SGCD: variants seen among roughly 807,000 people sequenced by gnomAD.
SGCD encodes delta-sarcoglycan.
In SGCD, 18 loss-of-function variants were observed where a neutral mutation model predicts 36.6. The observed-to-expected ratio is 0.49, with a 90% CI of 0.34 to 0.73. The LOEUF is 0.73. Ranked by LOEUF, SGCD falls within the 30% of genes least tolerant of loss-of-function variation. The pLI, the probability that SGCD is intolerant of heterozygous loss-of-function variation, is 0.01. For synonymous variants in SGCD, 133 were observed against 130.6 expected, an observed-to-expected ratio of 1.02 and a Z score of -0.12; for missense variants, 387 against 346.7, an observed-to-expected ratio of 1.12 and a Z score of -0.92.
chr5:156,722,450 A>T (rs142608924), intron 7 of SGCD, among the ~76,000 whole-genome samples: 155 of 152,326 alleles, frequency 1.0e-3, no homozygotes, highest in African/African-American at 3.6e-3. Context: ...AGCCCTGATG[A>T]CAGTGTTGTC....
upstream of SGCD, among the ~76,000 whole-genome samples, chr5:155,866,440 C>T (rs1755526153): frequency 6.6e-6 from 1 of 152,156 alleles, no homozygotes; most frequent in African/African-American, 2.4e-5. Context: ...TTTGTTGTTC[C>T]AGACTCCCTG....
intron 4 of SGCD, among the ~76,000 whole-genome samples, chr5:156,514,043 A>G (rs1427033936): frequency 6.6e-6 from 1 of 152,228 alleles, no homozygotes; most frequent in Admixed American, 6.5e-5. Context: ...TTTGAATGCT[A>G]TTTCAATGTG....
At chr5:156,554,624 A>G (rs1221878082) in intron 4 of SGCD, among the ~76,000 whole-genome samples, 2 of 148,584 alleles carry the variant, frequency 1.3e-5, no homozygotes, top group Admixed American at 6.8e-5. Flanking sequence ...ATGTATATAA[A>G]CATGTGCATA....
intron 3 of SGCD, among the ~76,000 whole-genome samples, chr5:156,252,058 T>A (rs1352333698): frequency 2.0e-5 from 3 of 151,652 alleles, no homozygotes; most frequent in African/African-American, 7.3e-5. Flanking sequence ...CATTTTGATA[T>A]TAGCATTTTT....
chr5:156,654,505 T>TG (rs917591388), intron 7 of SGCD, among the ~76,000 whole-genome samples: 6 of 152,218 alleles, frequency 3.9e-5, no homozygotes, highest in East Asian at 1.9e-4. Context: ...TTCTTTCCTT[T>TG]GGGGGGGTCC....
chr5:156,072,113 G>A (rs963727844), intron 1 of SGCD, among the ~76,000 whole-genome samples: 17 of 152,020 alleles, frequency 1.1e-4, no homozygotes, highest in Non-Finnish European at 1.8e-4. Context: ...TTTAATTGGA[G>A]CATTTAGTCC....
intron 3 of SGCD, among the ~76,000 whole-genome samples, chr5:156,483,266 C>T (rs1755517328): frequency 6.6e-6 from 1 of 152,164 alleles, no homozygotes; most frequent in East Asian, 1.9e-4. Flanking sequence ...TCCTAGCCCC[C>T]ATGATCAAGC....
intron 3 of SGCD, among the ~76,000 whole-genome samples, chr5:156,231,099 A>G (rs1256360673): frequency 6.6e-6 from 1 of 152,168 alleles, no homozygotes; most frequent in African/African-American, 2.4e-5. Flanking sequence ...TGAATATGTG[A>G]CGCCACCATA....
At chr5:156,246,401 A>G (rs1765440321) in intron 3 of SGCD, among the ~76,000 whole-genome samples, 1 of 152,206 alleles carries the variant, frequency 6.6e-6, no homozygotes, top group African/African-American at 2.4e-5. Flanking sequence ...AAAAAAATCA[A>G]TAATTTGTTT....
chr5:155,840,832 A>T, the SGCD span, among the ~76,000 whole-genome samples: 4 of 151,372 alleles, frequency 2.6e-5, no homozygotes, highest in African/African-American at 9.7e-5. Flanking sequence ...ATCAACATGG[A>T]GAAACCCTGT....
intron 3 of SGCD, among the ~76,000 whole-genome samples, chr5:156,479,036 AC>A (rs1755313608): frequency 6.6e-6 from 1 of 152,232 alleles, no homozygotes; most frequent in Admixed American, 6.5e-5. Context: ...ATGTATACAT[AC>A]AAAAATTTAA....
At chr5:156,569,599 CCT>C (rs1759635523) in intron 4 of SGCD, among the ~76,000 whole-genome samples, 1 of 138,832 alleles carries the variant, frequency 7.2e-6, no homozygotes, top group Non-Finnish European at 1.6e-5. Context: ...TTTTTGAGAC[CCT>C]GTCTCAAAAA....
chr5:156,076,450 C>G (rs753393180), intron 1 of SGCD, among the ~76,000 whole-genome samples: 1 of 152,070 alleles, frequency 6.6e-6, no homozygotes, highest in Non-Finnish European at 1.5e-5. Context: ...AATTAAACCT[C>G]TCAGTACAAA....
At chr5:155,732,028 G>T in the SGCD span, among the ~76,000 whole-genome samples, 13 of 152,222 alleles carry the variant, frequency 8.5e-5, no homozygotes, top group South Asian at 2.1e-4. Flanking sequence ...GCCCAAGGAA[G>T]TTGCTCAGCC....
At position 155,986,337 on chromosome 5, in the gene SGCD, C is replaced by T. The variant is rs79227668; in HGVS notation, c.-282+115913C>T. Among the ~76,000 whole-genome samples, 286 of 152,282 alleles carry T rather than the reference C, an allele frequency of 1.9e-3. 2 individuals carry two copies. The East Asian group carries it at 0.021, about 11-fold the overall frequency. On this transcript the variant is annotated intron_variant, in intron 1 of 9. Transcript: ENST00000517913. ...CAAATTAAAAGGACCAATTTTTTTA[C>T]TAAACTCTTTCCTTTATGACTGCAG...
intron 4 of SGCD, among the ~76,000 whole-genome samples, chr5:156,521,428 T>C (rs1409534521): frequency 6.6e-6 from 1 of 152,074 alleles, no homozygotes; most frequent in East Asian, 1.9e-4. Context: ...ACCTACAGAA[T>C]GGGAGAAAAT....
At chr5:156,467,698 A>G (rs542704637) in intron 3 of SGCD, among the ~76,000 whole-genome samples, 97 of 152,372 alleles carry the variant, frequency 6.4e-4, no homozygotes, top group Admixed American at 2.0e-3. Context: ...AGACACATAT[A>G]ATTAAATTGG....
At chr5:155,794,383 G>A in the SGCD span, among the ~76,000 whole-genome samples, 5 of 152,046 alleles carry the variant, frequency 3.3e-5, no homozygotes, top group Non-Finnish European at 5.9e-5. Flanking sequence ...CAAGAAAATG[G>A]CATCATATGA....
chr5:156,593,052 A>G (rs149083858), intron 5 of SGCD, among the ~76,000 whole-genome samples: 64 of 152,300 alleles, frequency 4.2e-4, no homozygotes, highest in Admixed American at 2.0e-4. Flanking sequence ...ATTTCTTTTT[A>G]TAAACACAAT....
Sources: allele counts gnomAD v4.1 joint callset (sites outside exome capture counted in the v4.1 genomes callset), GRCh38; gene constraint gnomAD v4.1.1; transcripts MANE v1.5; gene names NCBI Gene and HGNC (gene_info 2026-07-23, HGNC 2026-07-21).